ZNF839: variants seen among roughly 807,000 people sequenced by gnomAD.
ZNF839 encodes the protein zinc finger protein 839.
In ZNF839, 38 loss-of-function variants were observed where a neutral mutation model predicts 56.4. The ratio of observed to expected loss-of-function variants is 0.67; its 90% CI spans 0.52 to 0.88. ZNF839 has a LOEUF of 0.88. Among genes scored for constraint, ZNF839 ranks in the 40% least tolerant of loss-of-function variants. ZNF839 has a pLI of 0.00. For synonymous variants in ZNF839, 486 were observed against 493.5 expected, an observed-to-expected ratio of 0.98 and a Z score of 0.20; for missense variants, 1,091 against 1,177.6, an observed-to-expected ratio of 0.93 and a Z score of 1.08.
intron 7 of ZNF839, among the ~76,000 whole-genome samples, chr14:102,339,535 G>A (rs946436463): frequency 6.6e-6 from 1 of 152,070 alleles, no homozygotes; most frequent in African/African-American, 2.4e-5. Flanking sequence ...ACCTGACGTC[G>A]GGAATTCGAG....
At position 102,336,587 on chromosome 14, in the gene ZNF839, A is replaced by G. The variant is rs1214865218; in HGVS notation, c.1659+749A>G. The G allele has an allele frequency of 9.5e-6, 4 of 421,492 alleles. No homozygotes were observed. In the East Asian group the frequency reaches 2.9e-4, roughly 30 times the overall value. 26.1% of individuals were successfully genotyped at this position (421,492 alleles called of 1,614,324 possible). On this transcript the variant is annotated intron_variant, in intron 5 of 7. Transcript: ENST00000442396. The stretch of plus-strand genomic sequence containing the variant: ...TAGGATTACAGGTGTGAGCCACCAC[A>G]TCCGGTCCCCAGTTTTTTTTTTCTT...
At chr14:102,341,185 C>A in intron 7 of ZNF839, 138 bp from the exon 8 acceptor site, 1 of 1,005,510 alleles carries the variant, frequency 9.9e-7, no homozygotes, top group Non-Finnish European at 1.4e-6. Context: ...TGCTACCAAT[C>A]CCAAGGAGCA....
Position 102,331,823 on chromosome 14 carries a change from C to T in ZNF839, c.1393C>T (p.Pro465Ser). 6.4e-7 allele frequency: 1 copy of T among 1,574,190 alleles called. No individual in the cohort carries two copies. The highest frequency in any genetic ancestry group is 8.6e-7 in the Non-Finnish European group (1 of 1,162,970). The change falls in exon 3 of 8, where the codon CCA becomes TCA. Residue 465 changes from proline (P) to serine (S), a missense_variant. By Grantham distance (74) the Pro-to-Ser change is moderately conservative. Transcript: ENST00000442396. ...TGCGGCAGGGGAGCAGAGGGCGTCG[C>T]CAAGCAAAGCCAGGCTCAAGGAGGT... ...PAAAGEQRAS[P>S]SKARLKEFLQ...
At chr14:102,341,117 T>C (rs1886467203) in intron 7 of ZNF839, 1 of 300,188 alleles carries the variant, frequency 3.3e-6, no homozygotes, top group East Asian at 6.0e-5. Flanking sequence ...TCTTAGAGCA[T>C]ATTTTTAATA....
In ZNF839 at chr14:102,320,013, G is replaced by C; in HGVS notation, c.248G>C (p.Gly83Ala). The C allele has an allele frequency of 8.5e-7, 1 of 1,181,604 alleles. No homozygotes were observed. The highest frequency in any genetic ancestry group is 1.0e-6 in the Non-Finnish European group (1 of 956,202). The allele number at this position is 1,181,604 out of a possible 1,614,324, so 73.2% of individuals were successfully genotyped here. The change falls in exon 1 of 8, where the codon GGC becomes GCC. Residue 83 changes from glycine to alanine, a missense_variant. Physicochemically the swap from Gly to Ala is moderately conservative, Grantham distance 60. Around this residue, in one of 3 missense-constraint regions of ZNF839, gnomAD observed 614 missense variants for 629.2 expected, o/e 0.98. Coordinates refer to ENST00000442396, the MANE Select transcript of ZNF839 (RefSeq NM_018335.6). The part of the protein sequence containing the change: ...AQQAALQRGR[G>A]TEPPRLPRLL... ...CAGGCCGCCCTGCAGCGGGGCCGGG[G>C]CACCGAGCCCCCGCGCCTGCCGCGC... is the stretch of plus-strand genomic sequence containing the variant.
In ZNF839 at chr14:102,331,846, G is replaced by A; in HGVS notation, c.1416G>A (p.Glu472=). 1.3e-6 allele frequency: 2 copies of A among 1,556,294 alleles called. No homozygotes were observed. The highest frequency in any genetic ancestry group is 1.7e-6 in the Non-Finnish European group (2 of 1,155,208). The part of the protein sequence containing the change: ...RASPSKARLK[E]FLQQCDREDL... ...CGCCAAGCAAAGCCAGGCTCAAGGA[G>A]GTACCTCACTCTTAAACCCTGTGCT... The change falls in exon 3 of 8, where the codon GAG becomes GAA. Residue 472 remains glutamate (E), a splice_region_variant and synonymous_variant. Coordinates refer to ENST00000442396, the MANE Select transcript of ZNF839 (RefSeq NM_018335.6).
chr14:102,318,719 T>C (rs1230180634), upstream of ZNF839, among the ~76,000 whole-genome samples: 1 of 151,894 alleles, frequency 6.6e-6, no homozygotes, highest in Non-Finnish European at 1.5e-5. Context: ...GTGAATGCAA[T>C]GTGAGTATTG....
Position 102,326,948 on chromosome 14 carries a change from A to C in ZNF839, c.1191+61A>C. 1 of 1,456,246 alleles carries C rather than the reference A, an allele frequency of 6.9e-7. No individual in the cohort carries two copies. The highest frequency in any genetic ancestry group is 1.4e-5 in the South Asian group (1 of 72,158). The allele number at this position is 1,456,246 out of a possible 1,614,324, so 90.2% of individuals were successfully genotyped here. ...GGCCGTTCTCGGATTGCTATAAAGA[A>C]ATACCTGAGACCAGGTATTTTATAA... On this transcript the variant is annotated intron_variant, in intron 2 of 7. Coordinates refer to ENST00000442396, the MANE Select transcript of ZNF839 (RefSeq NM_018335.6). This position sits in a 1 kb window ranked among gnomAD's most constrained non-coding sequence, Gnocchi z 4.3.
intron 1 of ZNF839, among the ~76,000 whole-genome samples, chr14:102,321,371 T>C (rs778141894): frequency 2.6e-5 from 4 of 152,240 alleles, no homozygotes; most frequent in Non-Finnish European, 5.9e-5. Context: ...CCCTAGCCCC[T>C]GTACTCCTCA....
In ZNF839 at chr14:102,341,416, C is replaced by G. The variant is rs201952805; in HGVS notation, c.2021C>G (p.Ala674Gly). 3.2e-6 allele frequency: 5 copies of G among 1,584,844 alleles called. No homozygotes were observed. In the South Asian group the frequency reaches 5.7e-5, roughly 18 times the overall value. The part of the protein sequence containing the change: ...VSGGNGSVFQ[A>G]GPQLQALANL... ...GGTGGCAATGGGAGCGTGTTCCAGG[C>G]GGGCCCGCAGCTTCAGGCACTGGCT... The change falls in exon 8 of 8, where the codon GCG (alanine) becomes GGG (glycine). Residue 674 changes from alanine to glycine, a missense_variant. By Grantham distance (60) the Ala-to-Gly change is moderately conservative (BLOSUM62 0). Transcript: ENST00000442396.
In ZNF839 at chr14:102,332,850, C is replaced by T. The variant is rs1008866694; in HGVS notation, c.1416+1004C>T. On this transcript the variant is annotated intron_variant, in intron 3 of 7. Transcript: ENST00000442396. This position sits in a 1 kb window ranked among gnomAD's most constrained non-coding sequence, Gnocchi z 4.9. ...GCTTGAACCCAGGAGGCGGAGGTTG[C>T]AGTGAGCCAAGATCGTGCCATTGCA... Among the ~76,000 whole-genome samples, 2 of 152,152 alleles carry T rather than the reference C, an allele frequency of 1.3e-5. No homozygotes were observed. The highest frequency in any genetic ancestry group is 4.8e-5 in the African/African-American group (2 of 41,434).
intron 2 of ZNF839, among the ~76,000 whole-genome samples, chr14:102,328,338 G>A (rs376440379): frequency 2.9e-4 from 27 of 94,498 alleles, no homozygotes; most frequent in African/African-American, 1.1e-3. Flanking sequence ...TGGGCAACAA[G>A]AGTGAAACTC....
chr14:102,325,949 T>C lies in ZNF839; in HGVS notation c.289-36T>C. 1.9e-6 allele frequency: 3 copies of C among 1,592,996 alleles called. No homozygotes were observed. The East Asian group carries it at 6.8e-5, about 36-fold the overall frequency. ...ATTGCAGACATGTTCATAAGCACAA[T>C]GCTTCTTTTCTCTTTCTTGTCTTTC... On this transcript the variant is annotated intron_variant, in intron 1 of 7. Transcript: ENST00000442396.
rs758921308 is a variant in ZNF839 at position 102,341,639 on chromosome 14, C to G, written c.2244C>G (p.Ser748Arg). 3 of 1,613,984 alleles carry G rather than the reference C, an allele frequency of 1.9e-6. No individual in the cohort carries two copies. Among genetic ancestry groups the G allele is most frequent in the South Asian group, 1.1e-5 (1 of 91,086 alleles). Residue 748 changes from serine to arginine, a missense_variant, in exon 8 of 8, where the codon AGC becomes AGG. Ser to Arg is a moderately radical substitution (Grantham distance 110). Around this residue, in one of 3 missense-constraint regions of ZNF839, gnomAD observed 431 missense variants for 468.0 expected, o/e 0.92. Coordinates refer to ENST00000442396, the MANE Select transcript of ZNF839 (RefSeq NM_018335.6). ...WDSLRSPGFC[S>R]PLSSGGGAES... ...GCCTGAGGAGCCCGGGTTTCTGCAG[C>G]CCTTTGTCATCTGGTGGTGGAGCAG...
intron 1 of ZNF839, among the ~76,000 whole-genome samples, chr14:102,325,030 G>A (rs1303752677): frequency 6.6e-6 from 1 of 152,086 alleles, no homozygotes; most frequent in East Asian, 1.9e-4. Flanking sequence ...TCAACTTAGT[G>A]GATTATGACT....
chr14:102,339,054 A>C (rs576050553), intron 6 of ZNF839, 40 bp from the exon 7 acceptor site: 2 of 1,613,386 alleles, frequency 1.2e-6, no homozygotes, highest in Non-Finnish European at 1.7e-6. Context: ...CGGTTTGCCT[A>C]TTCCTTCCTA....
At chr14:102,333,296 T>C (rs866618679) in intron 3 of ZNF839, among the ~76,000 whole-genome samples, 75 of 149,666 alleles carry the variant, frequency 5.0e-4, no homozygotes, top group Middle Eastern at 3.4e-3. Context: ...AGGGTCTCAT[T>C]CTGTCACCCA....
intron 7 of ZNF839, 153 bp from the exon 8 acceptor site, chr14:102,341,170 A>T (rs543975367): frequency 9.4e-5 from 76 of 809,584 alleles, no homozygotes; most frequent in Admixed American, 6.1e-4. Flanking sequence ...CGTATTTTTT[A>T]AAATTGCTAC....
intron 5 of ZNF839, among the ~76,000 whole-genome samples, chr14:102,338,118 C>T (rs1317676071): frequency 2.6e-5 from 4 of 152,100 alleles, no homozygotes; most frequent in African/African-American, 4.8e-5. Context: ...TAGGCAGGAT[C>T]GTTTTTCTCA....
Sources: allele counts gnomAD v4.1 joint callset (sites outside exome capture counted in the v4.1 genomes callset), GRCh38; gene constraint gnomAD v4.1.1; regional missense constraint gnomAD v4.1.1; non-coding constraint Gnocchi (gnomAD v3.1); transcripts MANE v1.5; gene names NCBI Gene and HGNC (gene_info 2026-07-23, HGNC 2026-07-21).